Variants in PRKCA observed in about 807,000 individuals in gnomAD.
PRKCA encodes protein kinase C alpha type.
PRKCA carries 27 observed loss-of-function variants against 87.0 expected under a neutral mutation model. The observed-to-expected ratio is 0.31, with a 90% confidence interval of 0.23 to 0.43. The LOEUF is 0.43. Ranked by LOEUF, PRKCA falls within the 20% of genes least tolerant of loss-of-function variation. The pLI, the probability that PRKCA is intolerant of heterozygous loss-of-function variation, is 1.00. For missense variants in PRKCA, 518 were observed against 852.3 expected (o/e 0.61, Z 4.88); for synonymous variants, 329 against 311.1 (o/e 1.06, Z -0.61).
Position 66,540,619 on chromosome 17 carries a change from G to C in PRKCA, c.288+44336G>C, listed in dbSNP as rs1967955021. On this transcript the variant is annotated intron_variant, in intron 3 of 16. Coordinates refer to ENST00000413366, the MANE Select transcript of PRKCA (RefSeq NM_002737.3). The stretch of plus-strand genomic sequence containing the variant: ...CTTTGTGAGTGCTCTGTGGTCGAAG[G>C]CCAGCTGGGCCTGAAGGCAAAACAT... Among the ~76,000 whole-genome samples the C allele has an allele frequency of 1.3e-5, 2 of 152,204 alleles. 1 individual carries two copies. Among genetic ancestry groups the C allele is most frequent in the South Asian group, 4.1e-4 (2 of 4,824 alleles).
intron 2 of PRKCA, among the ~76,000 whole-genome samples, chr17:66,451,334 C>T (rs907090088): frequency 8.1e-5 from 12 of 147,524 alleles, no homozygotes; most frequent in Non-Finnish European, 1.0e-4. Flanking sequence ...TTTTAGAATA[C>T]GGAGTTAGAA....
chr17:66,477,630 A>G (rs1177648647), intron 2 of PRKCA, among the ~76,000 whole-genome samples: 7 of 152,072 alleles, frequency 4.6e-5, no homozygotes, highest in Non-Finnish European at 5.9e-5. Flanking sequence ...AACCTGGGAG[A>G]CGGAGGTTGT....
intron 3 of PRKCA, among the ~76,000 whole-genome samples, chr17:66,587,895 GTATATATATATA>G (rs71160580): frequency 0.04 from 3,397 of 85,376 alleles, 472 homozygotes; most frequent in African/African-American, 0.095. Flanking sequence ...GTGTGTGTGT[GTATATATATATA>G]TATATATATA....
intron 13 of PRKCA, among the ~76,000 whole-genome samples, chr17:66,743,949 C>A (rs1391968350): frequency 4.6e-5 from 7 of 152,042 alleles, no homozygotes; most frequent in Non-Finnish European, 7.4e-5. Context: ...CTCTGAACCC[C>A]GTTTCTTCAG....
chr17:66,581,445 G>A (rs1015515732), intron 3 of PRKCA, among the ~76,000 whole-genome samples: 1 of 152,100 alleles, frequency 6.6e-6, no homozygotes, highest in Non-Finnish European at 1.5e-5. Flanking sequence ...ATATTTGAGA[G>A]GGAATCTTTC....
At chr17:66,374,385 C>A (rs1909295099) in intron 2 of PRKCA, among the ~76,000 whole-genome samples, 1 of 152,154 alleles carries the variant, frequency 6.6e-6, no homozygotes, top group Non-Finnish European at 1.5e-5. Flanking sequence ...TGGTTGAGGG[C>A]CCGCATATCT....
chr17:66,588,323 G>A (rs1422271220), intron 3 of PRKCA, among the ~76,000 whole-genome samples: 2 of 152,120 alleles, frequency 1.3e-5, no homozygotes, highest in African/African-American at 2.4e-5. Flanking sequence ...GCATGAGGAA[G>A]AGAGGTGATG....
At chr17:66,651,773 G>A (rs1971595946) in intron 5 of PRKCA, among the ~76,000 whole-genome samples, 2 of 152,012 alleles carry the variant, frequency 1.3e-5, no homozygotes, top group Non-Finnish European at 2.9e-5. Flanking sequence ...GGCACCCAGA[G>A]TGTCCACTGT....
chr17:66,418,853 G>A (rs1302143317), intron 2 of PRKCA, among the ~76,000 whole-genome samples: 3 of 151,864 alleles, frequency 2.0e-5, no homozygotes, highest in Middle Eastern at 3.2e-3. Flanking sequence ...CTGTGTTCAC[G>A]CCATTCTCCT....
chr17:66,357,246 C>G (rs1908115498), intron 2 of PRKCA, among the ~76,000 whole-genome samples: 1 of 152,070 alleles, frequency 6.6e-6, no homozygotes, highest in Admixed American at 6.6e-5. Flanking sequence ...GGTGCTGAAG[C>G]TGGGTGGTGG....
chr17:66,448,936 A>C (rs976086023), intron 2 of PRKCA, among the ~76,000 whole-genome samples: 1 of 151,182 alleles, frequency 6.6e-6, no homozygotes, highest in African/African-American at 2.4e-5. Flanking sequence ...TAGTATTCAT[A>C]GTATTTTGAA....
At chr17:66,695,472 C>T (rs1972894312) in intron 8 of PRKCA, among the ~76,000 whole-genome samples, 1 of 152,198 alleles carries the variant, frequency 6.6e-6, no homozygotes, top group Non-Finnish European at 1.5e-5. Flanking sequence ...GTGCTGTTAA[C>T]AGTTAATGGA....
intron 2 of PRKCA, among the ~76,000 whole-genome samples, chr17:66,390,749 G>A (rs1335376509): frequency 6.6e-6 from 1 of 152,208 alleles, no homozygotes; most frequent in Non-Finnish European, 1.5e-5. Context: ...TCTGCAACTT[G>A]AAGCCTGATT....
chr17:66,690,211 GT>G (rs1234759111), intron 8 of PRKCA, among the ~76,000 whole-genome samples: 1 of 152,212 alleles, frequency 6.6e-6, no homozygotes, highest in Non-Finnish European at 1.5e-5. Flanking sequence ...TAAAGTTGAT[GT>G]TTGTGGCAAA....
intron 2 of PRKCA, among the ~76,000 whole-genome samples, chr17:66,330,246 C>T (rs1906247841): frequency 6.6e-6 from 1 of 151,994 alleles, no homozygotes; most frequent in South Asian, 2.1e-4. Context: ...GCTGGGATTA[C>T]AGGTGCCCGC....
At chr17:66,318,653 G>C (rs2143195778) in intron 2 of PRKCA, among the ~76,000 whole-genome samples, 1 of 152,246 alleles carries the variant, frequency 6.6e-6, no homozygotes, top group African/African-American at 2.4e-5. Context: ...TCGGTAGTTT[G>C]AGACTAGCCT....
chr17:66,704,471 T>C (rs1163895533), intron 8 of PRKCA, among the ~76,000 whole-genome samples: 1 of 152,240 alleles, frequency 6.6e-6, no homozygotes, highest in Non-Finnish European at 1.5e-5. Context: ...TCAAGCTAGC[T>C]TAACAATGGC....
rs1974406455 is a variant in PRKCA, at chr17:66,750,589, C to A, written c.1524+7829C>A. 2.6e-5 allele frequency among the ~76,000 whole-genome samples: 4 copies of A among 152,192 alleles called. No homozygotes were observed. The South Asian group carries it at 8.3e-4, about 32-fold the overall frequency. On this transcript the variant is annotated intron_variant, in intron 13 of 16. Transcript: ENST00000413366. ...GCCTCTTCTCTAGAGCACTGGGCAC[C>A]TTCTGCGATATTGTGGTCTATGAAA... is the stretch of plus-strand genomic sequence containing the variant.
intron 2 of PRKCA, among the ~76,000 whole-genome samples, chr17:66,413,662 G>A (rs903524670): frequency 6.6e-6 from 1 of 152,056 alleles, no homozygotes; most frequent in African/African-American, 2.4e-5. Context: ...CAGACACTCC[G>A]GTCTCTCAGG....
Sources: allele counts gnomAD v4.1 joint callset (sites outside exome capture counted in the v4.1 genomes callset), GRCh38; gene constraint gnomAD v4.1.1; transcripts MANE v1.5; gene names NCBI Gene and HGNC (gene_info 2026-07-23, HGNC 2026-07-21).